The following TRAF3 variants were observed in gnomAD, a reference collection of about 807,000 sequenced individuals.
The protein encoded by TRAF3 is TNF receptor associated factor 3.
Under a neutral mutation model 62.3 loss-of-function variants are expected in TRAF3, and 13 were observed. The observed-to-expected ratio is 0.21, with a 90% CI of 0.14 to 0.33. The LOEUF (loss-of-function observed/expected upper bound fraction) is 0.33. Among genes scored for constraint, TRAF3 ranks in the 10% least tolerant of loss-of-function variants. The pLI is 1.00. For synonymous variants in TRAF3, 269 were observed against 283.4 expected, an observed-to-expected ratio of 0.95 and a Z score of 0.51; for missense variants, 440 against 741.8, an observed-to-expected ratio of 0.59 and a Z score of 4.73.
chr14:102,835,745 G>A (rs932607444), intron 2 of TRAF3, among the ~76,000 whole-genome samples: 3 of 152,148 alleles, frequency 2.0e-5, no homozygotes, highest in Admixed American at 6.6e-5. Context: ...CGACAGTAGG[G>A]CCTACTTGAG....
At chr14:102,815,199 A>G (rs916791879) in intron 1 of TRAF3, among the ~76,000 whole-genome samples, 5 of 152,104 alleles carry the variant, frequency 3.3e-5, no homozygotes, top group Non-Finnish European at 7.4e-5. Flanking sequence ...TCAGCCTCCT[A>G]AAGTGTTGGG....
rs1224443850 is a variant in TRAF3, at chr14:102,908,218, G to T, written c.*2434G>T. The stretch of plus-strand genomic sequence containing the variant: ...GCAGACGCTCCTGGCGGGACGCCAT[G>T]GGGCCCACCTGAGGGTCCCACAGAC... On this transcript the variant is annotated 3_prime_UTR_variant, in exon 12 of 12. Coordinates refer to ENST00000392745, the MANE Select transcript of TRAF3 (RefSeq NM_145725.3). 6.6e-6 allele frequency: 1 copy of T among 152,328 alleles called. No homozygotes were observed. Among genetic ancestry groups the T allele is most frequent in the Non-Finnish European group, 1.5e-5 (1 of 68,084 alleles). 9.4% of individuals were successfully genotyped at this position (152,328 alleles called of 1,614,324 possible). A position where few individuals can be genotyped will look rare whatever the true frequency, so the allele number is the denominator to read the frequency against.
intron 8 of TRAF3, 23 bp from the exon 9 acceptor site, chr14:102,891,302 G>A: frequency 1.2e-6 from 2 of 1,609,272 alleles, no homozygotes; most frequent in Non-Finnish European, 8.5e-7. Context: ...TTCGCTGAAT[G>A]CCTCACATGT....
intron 1 of TRAF3, among the ~76,000 whole-genome samples, chr14:102,789,406 T>C (rs1188798826): frequency 1.2e-4 from 18 of 152,356 alleles, no homozygotes; most frequent in Admixed American, 9.8e-4. Flanking sequence ...TACGGTAATA[T>C]CGTGTTTAAC....
chr14:102,821,823 C>G (rs1034712061), intron 1 of TRAF3, among the ~76,000 whole-genome samples: 1 of 152,190 alleles, frequency 6.6e-6, no homozygotes, highest in African/African-American at 2.4e-5. Context: ...GCAGGCAGAT[C>G]ATGAGGTCGG....
chr14:102,791,605 T>C (rs1476035133), intron 1 of TRAF3, among the ~76,000 whole-genome samples: 1 of 152,204 alleles, frequency 6.6e-6, no homozygotes, highest in Non-Finnish European at 1.5e-5. Context: ...GATTTCTTTA[T>C]ACAGAATCAT....
At chr14:102,811,216 A>G (rs891352853) in intron 1 of TRAF3, among the ~76,000 whole-genome samples, 2 of 151,950 alleles carry the variant, frequency 1.3e-5, no homozygotes, top group East Asian at 1.9e-4. Context: ...CTGCATCCCC[A>G]TGATTTTTGC....
intron 9 of TRAF3, among the ~76,000 whole-genome samples, chr14:102,896,295 C>T (rs1286787389): frequency 6.6e-6 from 1 of 152,120 alleles, no homozygotes; most frequent in Non-Finnish European, 1.5e-5. Flanking sequence ...CCAGCAGCTC[C>T]ACAAGCCTAC....
At position 102,875,556 on chromosome 14, in the gene TRAF3, G is replaced by C. The variant is rs1457640050; in HGVS notation, c.298-68G>C. On this transcript the variant is annotated intron_variant, in intron 4 of 11. Coordinates refer to ENST00000392745, the MANE Select transcript of TRAF3 (RefSeq NM_145725.3). ...TTTTTTTTTTAAGTGGTTTTGCCTT[G>C]TCCAAAGTAGCAGCATGTGGAGATT... 13 of 1,355,004 alleles carry C rather than the reference G, an allele frequency of 9.6e-6. No individual in the cohort carries two copies. In the East Asian group the frequency reaches 3.1e-4, roughly 32 times the overall value. The allele number at this position is 1,355,004 out of a possible 1,614,324, so 83.9% of individuals were successfully genotyped here.
At chr14:102,792,588 T>A (rs919511652) in intron 1 of TRAF3, among the ~76,000 whole-genome samples, 2 of 151,690 alleles carry the variant, frequency 1.3e-5, no homozygotes, top group African/African-American at 4.8e-5. Flanking sequence ...TTTTTTTTTT[T>A]AATGGAAGGT....
intron 1 of TRAF3, among the ~76,000 whole-genome samples, chr14:102,822,930 C>G (rs1302029605): frequency 2.6e-5 from 4 of 151,232 alleles, no homozygotes; most frequent in African/African-American, 9.7e-5. Flanking sequence ...TGCTTGAACC[C>G]GGGAGGCAGA....
intron 2 of TRAF3, among the ~76,000 whole-genome samples, chr14:102,844,025 T>C (rs1006775831): frequency 8.5e-5 from 13 of 152,232 alleles, no homozygotes; most frequent in Non-Finnish European, 1.9e-4. Flanking sequence ...AAAATGTAAC[T>C]TAACTAAAAG....
chr14:102,831,126 A>G (rs998944838), intron 2 of TRAF3, among the ~76,000 whole-genome samples: 2 of 152,150 alleles, frequency 1.3e-5, no homozygotes, highest in Non-Finnish European at 2.9e-5. Context: ...TTCTTCTCAC[A>G]TGGGACTTTG....
chr14:102,843,626 C>CCATGCCCGGCCCTAAAAATTTTT (rs1199659678), intron 2 of TRAF3, among the ~76,000 whole-genome samples: 1 of 152,210 alleles, frequency 6.6e-6, no homozygotes, highest in African/African-American at 2.4e-5. Flanking sequence ...GCGTGAGACA[C>CCATGCCCGGCCCTAAAAATTTTT]TGCACTCAGG....
chr14:102,823,600 C>T (rs1176779509), intron 1 of TRAF3, among the ~76,000 whole-genome samples: 9 of 152,122 alleles, frequency 5.9e-5, no homozygotes. Context: ...AAAAGTAATG[C>T]ATCTTTTGGC....
At chr14:102,881,229 CA>C (rs1468968710) in intron 6 of TRAF3, among the ~76,000 whole-genome samples, 6 of 151,788 alleles carry the variant, frequency 4.0e-5, no homozygotes, top group African/African-American at 1.5e-4. Context: ...ACTTAAAATA[CA>C]AAAATTAGCT....
At chr14:102,782,305 C>T (rs1423389425) in intron 1 of TRAF3, among the ~76,000 whole-genome samples, 1 of 152,046 alleles carries the variant, frequency 6.6e-6, no homozygotes. Flanking sequence ...GCAATCTTGG[C>T]TCACTGCAGC....
chr14:102,792,335 C>T (rs1897845414), intron 1 of TRAF3, among the ~76,000 whole-genome samples: 1 of 151,458 alleles, frequency 6.6e-6, no homozygotes, highest in Admixed American at 6.6e-5. Context: ...CTGTGTTGCC[C>T]AGGTTGGTCT....
At chr14:102,840,338 C>T (rs547971210) in intron 2 of TRAF3, among the ~76,000 whole-genome samples, 1 of 152,172 alleles carries the variant, frequency 6.6e-6, no homozygotes, top group African/African-American at 2.4e-5. Context: ...TCAAGTGATC[C>T]TCCAGCCTCA....
Sources: gnomAD v4.1 joint callset for allele counts (sites outside exome capture counted in the v4.1 genomes callset) on GRCh38, gnomAD v4.1.1 for gene constraint, MANE v1.5 for transcripts, NCBI Gene and HGNC (gene_info 2026-07-23, HGNC 2026-07-21) for gene names.